Variants in ERBB4 observed in about 807,000 individuals in gnomAD.
ERBB4 encodes the protein receptor tyrosine-protein kinase erbB-4.
In ERBB4, 42 loss-of-function variants were observed where a neutral mutation model predicts 158.0. The observed-to-expected ratio is 0.27, with a 90% CI of 0.21 to 0.34. ERBB4 has a LOEUF of 0.34. ERBB4 is among the 10% of genes least tolerant of loss of function. ERBB4 has a pLI of 1.00. For missense variants in ERBB4, 1,333 were observed against 1,624.1 expected, an observed-to-expected ratio of 0.82 and a Z score of 3.08; for synonymous variants, 583 against 558.7, an observed-to-expected ratio of 1.04 and a Z score of -0.61.
At chr2:212,519,953 T>C (rs1692060996) in intron 1 of ERBB4, among the ~76,000 whole-genome samples, 1 of 151,912 alleles carries the variant, frequency 6.6e-6, no homozygotes, top group African/African-American at 2.4e-5. Flanking sequence ...AATGTTTGAG[T>C]TGATGGATAG....
At chr2:211,388,466 C>T (rs749416468) in intron 25 of ERBB4, among the ~76,000 whole-genome samples, 9 of 152,048 alleles carry the variant, frequency 5.9e-5, no homozygotes, top group Non-Finnish European at 1.2e-4. Flanking sequence ...CTAATTTTTG[C>T]TATCAAGCTA....
chr2:211,885,706 C>T (rs951309480), intron 3 of ERBB4, among the ~76,000 whole-genome samples: 7 of 152,090 alleles, frequency 4.6e-5, no homozygotes, highest in Non-Finnish European at 7.4e-5. Flanking sequence ...GTAATCTGCC[C>T]GCCTTGGCCT....
chr2:211,860,188 A>G (rs2106068361), intron 3 of ERBB4, among the ~76,000 whole-genome samples: 1 of 152,286 alleles, frequency 6.6e-6, no homozygotes, highest in East Asian at 1.9e-4. Context: ...TAAGTAAAGT[A>G]TACCATGATT....
chr2:211,847,532 C>A (rs558983775), intron 3 of ERBB4, among the ~76,000 whole-genome samples: 3 of 152,272 alleles, frequency 2.0e-5, no homozygotes, highest in African/African-American at 7.2e-5. Flanking sequence ...AGATACTATA[C>A]AGCAAGCTTG....
chr2:212,101,627 C>A (rs1575633918), intron 2 of ERBB4, among the ~76,000 whole-genome samples: 2 of 151,778 alleles, frequency 1.3e-5, no homozygotes, highest in Non-Finnish European at 2.9e-5. Context: ...GCTCTTATCA[C>A]CCTGAACTGA....
chr2:211,834,919 A>G (rs955646026), intron 3 of ERBB4, among the ~76,000 whole-genome samples: 1 of 152,170 alleles, frequency 6.6e-6, no homozygotes, highest in Non-Finnish European at 1.5e-5. Flanking sequence ...AAAGTCATAT[A>G]GATTTTAAAA....
intron 1 of ERBB4, among the ~76,000 whole-genome samples, chr2:212,374,971 T>C (rs556825998): frequency 6.6e-6 from 1 of 152,014 alleles, no homozygotes; most frequent in African/African-American, 2.4e-5. Flanking sequence ...AATAAATACA[T>C]GATTAAAGAT....
At chr2:211,827,779 T>C (rs1027161937) in intron 3 of ERBB4, among the ~76,000 whole-genome samples, 2 of 152,136 alleles carry the variant, frequency 1.3e-5, no homozygotes, top group African/African-American at 4.8e-5. Flanking sequence ...TTCATGATCA[T>C]GCAGTTTCTT....
intron 20 of ERBB4, among the ~76,000 whole-genome samples, chr2:211,560,625 T>G (rs2125718124): frequency 6.6e-6 from 1 of 152,312 alleles, no homozygotes; most frequent in African/African-American, 2.4e-5. Context: ...TGATAAGTTC[T>G]ATTGCATATT....
chr2:212,224,830 T>A (rs2083420134), intron 1 of ERBB4, among the ~76,000 whole-genome samples: 1 of 150,426 alleles, frequency 6.6e-6, no homozygotes, highest in Non-Finnish European at 1.5e-5. Context: ...TCTGAACAAG[T>A]TTTTTTTAAA....
intron 1 of ERBB4, among the ~76,000 whole-genome samples, chr2:212,418,098 T>C (rs2091701810): frequency 6.6e-6 from 1 of 151,974 alleles, no homozygotes; most frequent in Non-Finnish European, 1.5e-5. Flanking sequence ...GGTCTTGGAC[T>C]TTCCAGTCTT....
chr2:212,236,888 T>G (rs981995868), intron 1 of ERBB4, among the ~76,000 whole-genome samples: 4 of 152,152 alleles, frequency 2.6e-5, no homozygotes, highest in South Asian at 4.1e-4. Context: ...TAGCAGTCTA[T>G]CTATTTTGTT....
chr2:211,861,871 T>A (rs1344426161), intron 3 of ERBB4, among the ~76,000 whole-genome samples: 2 of 142,444 alleles, frequency 1.4e-5, no homozygotes, highest in Admixed American at 1.5e-4. Context: ...AATGGGGTTA[T>A]AAAATGAAAT....
chr2:212,230,571 C>T (rs1559799247), intron 1 of ERBB4, among the ~76,000 whole-genome samples: 2 of 152,134 alleles, frequency 1.3e-5, no homozygotes, highest in Non-Finnish European at 2.9e-5. Context: ...TGTTAAAATA[C>T]AGAAAATATG....
intron 16 of ERBB4, among the ~76,000 whole-genome samples, chr2:211,650,394 G>A (rs1447733346): frequency 6.6e-6 from 1 of 151,972 alleles, no homozygotes; most frequent in South Asian, 2.1e-4. Context: ...AGGTCATACT[G>A]GGAATTCTAA....
intron 19 of ERBB4, among the ~76,000 whole-genome samples, chr2:211,583,601 A>T (rs1180617430): frequency 1.3e-5 from 2 of 151,590 alleles, no homozygotes; most frequent in Non-Finnish European, 3.0e-5. Context: ...TATACCTATT[A>T]AAAAAATTTA....
chr2:211,733,538 T>C (rs1163487492), intron 5 of ERBB4, among the ~76,000 whole-genome samples: 1 of 150,152 alleles, frequency 6.7e-6, no homozygotes, highest in Non-Finnish European at 1.5e-5. Flanking sequence ...GCAGATAAAG[T>C]AGTAAAAAAA....
intron 2 of ERBB4, among the ~76,000 whole-genome samples, chr2:211,968,277 G>C (rs912068011): frequency 4.6e-5 from 7 of 151,948 alleles, no homozygotes; most frequent in African/African-American, 1.7e-4. Flanking sequence ...ACCATGAATG[G>C]TTTAGGGGCA....
intron 2 of ERBB4, among the ~76,000 whole-genome samples, chr2:212,005,456 A>T (rs975139160): frequency 2.0e-5 from 3 of 152,198 alleles, no homozygotes; most frequent in African/African-American, 7.2e-5. Context: ...AATATGATGT[A>T]ATGCTCTGTA....
Sources: gnomAD v4.1 joint callset for allele counts (sites outside exome capture counted in the v4.1 genomes callset) on GRCh38, gnomAD v4.1.1 for gene constraint, MANE v1.5 for transcripts, NCBI Gene and HGNC (gene_info 2026-07-23, HGNC 2026-07-21) for gene names.